Variants in SLC9A9 observed in about 807,000 individuals in gnomAD.
SLC9A9 encodes the protein solute carrier family 9 member A9.
In SLC9A9, 62 loss-of-function variants were observed where a neutral mutation model predicts 77.8. The ratio of observed to expected loss-of-function variants is 0.80; its 90% confidence interval spans 0.65 to 0.98. The LOEUF (loss-of-function observed/expected upper bound fraction) is 0.98. Ranked by LOEUF, SLC9A9 falls within the 50% of genes least tolerant of loss-of-function variation. The pLI is 0.00. For missense variants in SLC9A9, 775 were observed against 774.9 expected (o/e 1.00, Z 0.00); for synonymous variants, 320 against 283.5 (o/e 1.13, Z -1.29).
chr3:143,557,553 T>G (rs1054850458), intron 8 of SLC9A9, among the ~76,000 whole-genome samples: 21 of 152,176 alleles, frequency 1.4e-4, no homozygotes, highest in African/African-American at 2.9e-4. Flanking sequence ...TGGGAAAGTT[T>G]GGAACTTCCT....
chr3:143,303,017 C>A (rs1227493913), intron 14 of SLC9A9, among the ~76,000 whole-genome samples: 1 of 152,230 alleles, frequency 6.6e-6, no homozygotes, highest in Non-Finnish European at 1.5e-5. Flanking sequence ...CCACATCGTG[C>A]CCTTCCCCTG....
intron 12 of SLC9A9, among the ~76,000 whole-genome samples, chr3:143,464,832 G>A (rs1008586141): frequency 1.3e-5 from 2 of 152,164 alleles, no homozygotes; most frequent in Non-Finnish European, 2.9e-5. Context: ...AGAGCCATTG[G>A]TCTTAACTTT....
At chr3:143,802,504 C>G (rs1169513564) in intron 2 of SLC9A9, among the ~76,000 whole-genome samples, 4 of 152,186 alleles carry the variant, frequency 2.6e-5, no homozygotes, top group Admixed American at 2.6e-4. Flanking sequence ...TGGGTAGACA[C>G]TTTCACTGGA....
At chr3:143,767,579 A>G (rs972054893) in intron 4 of SLC9A9, among the ~76,000 whole-genome samples, 2 of 152,142 alleles carry the variant, frequency 1.3e-5, no homozygotes, top group South Asian at 2.1e-4. Flanking sequence ...AAAGAACACC[A>G]TAGACTCCTT....
intron 5 of SLC9A9, among the ~76,000 whole-genome samples, chr3:143,661,431 T>A (rs2038976945): frequency 6.6e-6 from 1 of 152,132 alleles, no homozygotes; most frequent in African/African-American, 2.4e-5. Context: ...TCCCTGGGTT[T>A]CCACACTGCT....
At chr3:143,766,630 C>G (rs978629819) in intron 4 of SLC9A9, among the ~76,000 whole-genome samples, 1 of 152,118 alleles carries the variant, frequency 6.6e-6, no homozygotes, top group African/African-American at 2.4e-5. Flanking sequence ...AGAGCAGTGG[C>G]CTGATCTTGG....
At chr3:143,731,262 T>C (rs552286153) in intron 4 of SLC9A9, among the ~76,000 whole-genome samples, 1 of 152,330 alleles carries the variant, frequency 6.6e-6, no homozygotes, top group African/African-American at 2.4e-5. Flanking sequence ...GGAGTTCTGT[T>C]AGCAGCAGGG....
intron 6 of SLC9A9, among the ~76,000 whole-genome samples, chr3:143,601,105 T>A (rs2037838747): frequency 6.6e-6 from 1 of 152,184 alleles, no homozygotes; most frequent in African/African-American, 2.4e-5. Flanking sequence ...TTTCAAAATG[T>A]CTTGTCTTTG....
At chr3:143,611,235 A>G (rs2038017593) in intron 6 of SLC9A9, among the ~76,000 whole-genome samples, 2 of 152,198 alleles carry the variant, frequency 1.3e-5, no homozygotes, top group African/African-American at 4.8e-5. Flanking sequence ...ATAGATAAAA[A>G]GATGTTTGAG....
chr3:143,528,037 C>A (rs1321531150), intron 9 of SLC9A9, among the ~76,000 whole-genome samples: 2 of 152,206 alleles, frequency 1.3e-5, no homozygotes, highest in Non-Finnish European at 2.9e-5. Flanking sequence ...CACTGAAAGC[C>A]AGAGAGAAAT....
At chr3:143,664,397 G>A (rs548647317) in intron 5 of SLC9A9, among the ~76,000 whole-genome samples, 110 of 152,276 alleles carry the variant, frequency 7.2e-4, no homozygotes, top group African/African-American at 2.5e-3. Flanking sequence ...AAAGACCATC[G>A]ATGCTAGGAA....
chr3:143,818,880 A>C (rs984568710), intron 2 of SLC9A9, among the ~76,000 whole-genome samples: 2 of 151,998 alleles, frequency 1.3e-5, no homozygotes, highest in African/African-American at 4.8e-5. Context: ...TTGGGAGTTC[A>C]AGACCAGCCT....
At chr3:143,605,255 T>C (rs2037902272) in intron 6 of SLC9A9, among the ~76,000 whole-genome samples, 2 of 152,214 alleles carry the variant, frequency 1.3e-5, no homozygotes, top group Non-Finnish European at 2.9e-5. Context: ...ATCAGCCCTT[T>C]ACACATTTGG....
intron 4 of SLC9A9, among the ~76,000 whole-genome samples, chr3:143,794,074 G>A (rs567689375): frequency 6.6e-6 from 1 of 152,286 alleles, no homozygotes; most frequent in African/African-American, 2.4e-5. Context: ...AAATTTAGCA[G>A]TGCATTCAAC....
chr3:143,278,995 C>G (rs990427280), intron 14 of SLC9A9, among the ~76,000 whole-genome samples: 1 of 152,268 alleles, frequency 6.6e-6, no homozygotes, highest in African/African-American at 2.4e-5. Flanking sequence ...AGAAGATATA[C>G]TTTCTAGCAC....
intron 14 of SLC9A9, among the ~76,000 whole-genome samples, chr3:143,336,378 C>T (rs774564342): frequency 1.3e-5 from 2 of 152,082 alleles, no homozygotes; most frequent in Non-Finnish European, 2.9e-5. Context: ...TTTAGCAATC[C>T]CACTTCTGGG....
Position 143,596,984 on chromosome 3 carries a change from T to C in SLC9A9, c.756-18261A>G, listed in dbSNP as rs547501131. Among the ~76,000 whole-genome samples the C allele has an allele frequency of 2.0e-5, 3 of 152,292 alleles. No homozygotes were observed. The South Asian group carries it at 6.2e-4, about 32-fold the overall frequency. On this transcript the variant is annotated intron_variant, in intron 6 of 15. Coordinates refer to ENST00000316549, the MANE Select transcript of SLC9A9 (RefSeq NM_173653.4). Reference sequence around the variant, plus strand: ...CAGACCTTGTATGAGGTCTTAAACATATGTCACGGTAAATCTTTTTTTTTC... The same window carrying C: ...CAGACCTTGTATGAGGTCTTAAACACATGTCACGGTAAATCTTTTTTTTTC...
chr3:143,276,723 A>C (rs945219070), intron 14 of SLC9A9, among the ~76,000 whole-genome samples: 1 of 152,176 alleles, frequency 6.6e-6, no homozygotes, highest in African/African-American at 2.4e-5. Context: ...TATATGAGTC[A>C]GATGATATCT....
chr3:143,736,601 GT>G (rs1204570992), intron 4 of SLC9A9, among the ~76,000 whole-genome samples: 1 of 151,826 alleles, frequency 6.6e-6, no homozygotes, highest in Admixed American at 6.6e-5. Flanking sequence ...AATTTCTGGG[GT>G]ATTTTTTTAA....
Sources: allele counts gnomAD v4.1 joint callset (sites outside exome capture counted in the v4.1 genomes callset), GRCh38; gene constraint gnomAD v4.1.1; transcripts MANE v1.5; gene names NCBI Gene and HGNC (gene_info 2026-07-23, HGNC 2026-07-21).